MGAT4C: variants seen among roughly 807,000 people sequenced by gnomAD.
The protein encoded by MGAT4C is MGAT4 family member C.
MGAT4C carries 19 observed loss-of-function variants against 40.1 expected under a neutral mutation model. The observed-to-expected ratio is 0.47, with a 90% CI of 0.33 to 0.70. The LOEUF is 0.70. MGAT4C is among the 30% of genes least tolerant of loss of function. The probability of loss-of-function intolerance (pLI) is 0.02; values close to 1 mark genes in which losing one functional copy is unlikely to be tolerated. For missense variants in MGAT4C, 491 were observed against 563.2 expected (o/e 0.87, Z 1.30); for synonymous variants, 181 against 187.1 (o/e 0.97, Z 0.27).
intron 2 of MGAT4C, among the ~76,000 whole-genome samples, chr12:86,013,509 A>G (rs1371548037): frequency 4.7e-4 from 72 of 152,190 alleles, no homozygotes; most frequent in Admixed American, 4.5e-3. Flanking sequence ...TAAACATACT[A>G]ACATACAAAA....
intron 1 of MGAT4C, among the ~76,000 whole-genome samples, chr12:86,091,028 C>T (rs1392775472): frequency 1.3e-5 from 2 of 151,674 alleles, no homozygotes; most frequent in Non-Finnish European, 1.5e-5. Flanking sequence ...TGTAAAATGT[C>T]ACATAATGTA....
intron 1 of MGAT4C, among the ~76,000 whole-genome samples, chr12:86,063,099 G>GA (rs1592823121): frequency 6.6e-6 from 1 of 152,176 alleles, no homozygotes; most frequent in East Asian, 1.9e-4. Flanking sequence ...TGAAATGAAG[G>GA]AAAAAATGTT....
rs746086689 is a variant in MGAT4C, at chr12:85,969,485, TTTA to T, written c.*9801_*9803del. Reference sequence around the variant, plus strand: ...TTAGTGTACCCAGAGCCCATGAGTTTTTATTTTCTTTTTGGAATAACAGAAATT... The same window carrying T: ...TTAGTGTACCCAGAGCCCATGAGTTTTTTTCTTTTTGGAATAACAGAAATT... On this transcript the variant is annotated 3_prime_UTR_variant, in exon 5 of 5. Transcript: ENST00000611864. 2.0e-5 allele frequency: 3 copies of T among 151,646 alleles called. No homozygotes were observed. The highest frequency in any genetic ancestry group is 7.2e-5 in the African/African-American group (3 of 41,388). The allele number at this position is 151,646 out of a possible 1,614,324, so 9.4% of individuals were successfully genotyped here.
intron 1 of MGAT4C, among the ~76,000 whole-genome samples, chr12:86,241,816 GC>G (rs1299819193): frequency 5.3e-5 from 8 of 152,158 alleles, no homozygotes; most frequent in Non-Finnish European, 7.4e-5. Flanking sequence ...GTGTCAAAAG[GC>G]CTGGTCTGAC....
chr12:86,758,071 A>G (rs984209994), intron 1 of MGAT4C, among the ~76,000 whole-genome samples: 1 of 152,154 alleles, frequency 6.6e-6, no homozygotes, highest in African/African-American at 2.4e-5. Flanking sequence ...AGCACAATCC[A>G]TGGGACACTT....
At chr12:86,044,294 G>A (rs1317820060) in intron 2 of MGAT4C, among the ~76,000 whole-genome samples, 1 of 152,190 alleles carries the variant, frequency 6.6e-6, no homozygotes, top group Non-Finnish European at 1.5e-5. Flanking sequence ...CAATCCCATG[G>A]ATGGTGCCAG....
chr12:86,093,362 T>C (rs1049202307), intron 1 of MGAT4C, among the ~76,000 whole-genome samples: 1 of 152,166 alleles, frequency 6.6e-6, no homozygotes, highest in African/African-American at 2.4e-5. Flanking sequence ...CCCAGGATTC[T>C]ATCTAATACT....
chr12:86,029,514 C>G (rs1434393187), intron 2 of MGAT4C, among the ~76,000 whole-genome samples: 2 of 151,978 alleles, frequency 1.3e-5, no homozygotes, highest in Non-Finnish European at 2.9e-5. Flanking sequence ...TCTGTTTCAG[C>G]TTCTTTCCTT....
At chr12:86,805,975 T>A (rs1012862852) in intron 1 of MGAT4C, among the ~76,000 whole-genome samples, 8 of 151,978 alleles carry the variant, frequency 5.3e-5, no homozygotes, top group African/African-American at 1.9e-4. Context: ...TTTAGTGATG[T>A]TAAACATTTT....
At chr12:86,217,365 G>A (rs1165821006) in intron 1 of MGAT4C, among the ~76,000 whole-genome samples, 1 of 152,078 alleles carries the variant, frequency 6.6e-6, no homozygotes, top group Non-Finnish European at 1.5e-5. Flanking sequence ...TAGTACAGAC[G>A]TGGTTTCACC....
At chr12:86,761,949 T>C (rs966144820) in intron 1 of MGAT4C, among the ~76,000 whole-genome samples, 11 of 152,072 alleles carry the variant, frequency 7.2e-5, no homozygotes, top group African/African-American at 2.7e-4. Flanking sequence ...GATTAGGACA[T>C]GTTATCTTTG....
chr12:86,586,915 T>G lies in MGAT4C; in HGVS notation c.-229+140294A>C, dbSNP rs571957293. On this transcript the variant is annotated intron_variant, in intron 2 of 7. Transcript: ENST00000548651. ...CATTTTGTGGGTTGCCTGTTCACTC[T>G]GAGGGTAGTTTCTTTTGCTGTGCAG... Among the ~76,000 whole-genome samples, 462 of 152,288 alleles carry G rather than the reference T, an allele frequency of 3.0e-3. 2 individuals are homozygous for G. Among genetic ancestry groups the G allele is most frequent in the African/African-American group, 0.011 (441 of 41,572 alleles).
intron 1 of MGAT4C, among the ~76,000 whole-genome samples, chr12:86,082,029 T>C (rs1870934528): frequency 6.6e-6 from 1 of 152,184 alleles, no homozygotes; most frequent in Admixed American, 6.6e-5. Context: ...TGGGAGCTCT[T>C]AGTAGCAGAA....
intron 2 of MGAT4C, among the ~76,000 whole-genome samples, chr12:86,449,909 C>T (rs1957396477): frequency 6.6e-6 from 1 of 151,922 alleles, no homozygotes; most frequent in Non-Finnish European, 1.5e-5. Context: ...GCAGAGTTTT[C>T]TTTTGTGGTA....
chr12:86,667,597 C>T (rs1964146640), intron 2 of MGAT4C, among the ~76,000 whole-genome samples: 1 of 152,182 alleles, frequency 6.6e-6, no homozygotes, highest in Non-Finnish European at 1.5e-5. Flanking sequence ...TTTGCACTGA[C>T]TTAATACTAC....
At chr12:86,420,488 T>C (rs1956798810) in intron 3 of MGAT4C, among the ~76,000 whole-genome samples, 1 of 152,032 alleles carries the variant, frequency 6.6e-6, no homozygotes, top group African/African-American at 2.4e-5. Flanking sequence ...TTCGCAATAT[T>C]TACAGTACCA....
intron 2 of MGAT4C, among the ~76,000 whole-genome samples, chr12:86,005,216 C>T (rs1231322183): frequency 2.0e-5 from 3 of 152,148 alleles, no homozygotes; most frequent in Non-Finnish European, 4.4e-5. Flanking sequence ...CCATTGCTTA[C>T]TCAGTAACAT....
intron 2 of MGAT4C, among the ~76,000 whole-genome samples, chr12:86,556,160 G>T (rs1959600292): frequency 6.6e-6 from 1 of 152,128 alleles, no homozygotes; most frequent in South Asian, 2.1e-4. Context: ...CACTTAGCGA[G>T]ACTTGAGTGA....
At chr12:86,389,580 A>C (rs1956128026) in intron 3 of MGAT4C, among the ~76,000 whole-genome samples, 1 of 152,154 alleles carries the variant, frequency 6.6e-6, no homozygotes, top group Non-Finnish European at 1.5e-5. Context: ...TGTTGGGTCA[A>C]ATGGTATTTC....
Sources: gnomAD v4.1 joint callset for allele counts (sites outside exome capture counted in the v4.1 genomes callset) on GRCh38, gnomAD v4.1.1 for gene constraint, MANE v1.5 for transcripts, NCBI Gene and HGNC (gene_info 2026-07-23, HGNC 2026-07-21) for gene names.